The following CPEB4 variants were observed in gnomAD, a reference collection of about 807,000 sequenced individuals.
CPEB4 encodes the protein cytoplasmic polyadenylation element-binding protein 4.
Under a neutral mutation model 72.5 loss-of-function variants are expected in CPEB4, and 12 were observed. That is an observed-to-expected ratio of 0.17 (90% CI 0.11 to 0.27). The LOEUF (loss-of-function observed/expected upper bound fraction) is 0.27. Among genes scored for constraint, CPEB4 ranks in the 10% least tolerant of loss-of-function variants. CPEB4 has a pLI of 1.00. For missense variants in CPEB4, 614 were observed against 908.5 expected, an observed-to-expected ratio of 0.68 and a Z score of 4.17; for synonymous variants, 302 against 326.3, an observed-to-expected ratio of 0.93 and a Z score of 0.80.
chr5:173,949,618 T>C (rs1290605321), intron 6 of CPEB4, 21 bp downstream of exon 6: 3 of 1,477,380 alleles, frequency 2.0e-6, no homozygotes, highest in Admixed American at 3.4e-5. Context: ...AGATTCATTA[T>C]ACTTATGTAA....
intron 8 of CPEB4, 107 bp from the exon 9 acceptor site, chr5:173,952,984 T>A: frequency 2.5e-6 from 2 of 794,660 alleles, no homozygotes; most frequent in Non-Finnish European, 4.0e-6. Flanking sequence ...ATAATTATTA[T>A]AATGATGTGA....
At chr5:173,931,068 T>C (rs1209450284) in intron 2 of CPEB4, among the ~76,000 whole-genome samples, 1 of 152,116 alleles carries the variant, frequency 6.6e-6, no homozygotes, top group African/African-American at 2.4e-5. Context: ...GGATATGGAT[T>C]AATTAAAGCT....
intron 3 of CPEB4, among the ~76,000 whole-genome samples, chr5:173,941,899 A>G (rs1417216151): frequency 6.6e-6 from 1 of 152,170 alleles, no homozygotes; most frequent in Non-Finnish European, 1.5e-5. Context: ...ATCCCAGTTT[A>G]CTGTTGAAAC....
chr5:173,932,602 T>C (rs766082948), intron 3 of CPEB4, 102 bp downstream of exon 3: 117 of 789,126 alleles, frequency 1.5e-4, no homozygotes, highest in Non-Finnish European at 2.2e-4. Flanking sequence ...TAATGATAAC[T>C]GTAAGTTGCT....
Position 173,910,598 on chromosome 5 carries a change from A to G in CPEB4, c.1201A>G (p.Ile401Val), listed in dbSNP as rs756982545. The change falls in exon 2 of 10, where the codon ATT becomes GTT. Residue 401 changes from isoleucine (I) to valine (V), a missense_variant. Around this residue, in one of 5 missense-constraint regions of CPEB4, gnomAD observed 458 missense variants for 548.6 expected, o/e 0.83. Coordinates refer to ENST00000265085, the MANE Select transcript of CPEB4 (RefSeq NM_030627.4). ...IDIMRAENDT[I>V]KGRLNYSYPG... Reference sequence around the variant, plus strand: ...CATAATGAGAGCTGAAAATGATACCATTAAAGGTAAGTTTAGAAATATACC... The same window carrying G: ...CATAATGAGAGCTGAAAATGATACCGTTAAAGGTAAGTTTAGAAATATACC... The G allele has an allele frequency of 2.5e-6, 4 of 1,596,134 alleles. No homozygotes were observed. The African/African-American group carries it at 5.4e-5, about 21-fold the overall frequency.
At chr5:173,953,793 A>G (rs1024122246) in intron 9 of CPEB4, among the ~76,000 whole-genome samples, 4 of 149,120 alleles carry the variant, frequency 2.7e-5, no homozygotes, top group Admixed American at 6.7e-5. Flanking sequence ...TTGGTGTTTC[A>G]TGTATTCAAC....
At position 173,922,152 on chromosome 5, in the gene CPEB4, C is replaced by G. The variant is rs974814182; in HGVS notation, c.1208-10298C>G. Among the ~76,000 whole-genome samples the G allele has an allele frequency of 1.3e-5, 2 of 152,166 alleles. 1 individual carries two copies. The highest frequency in any genetic ancestry group is 3.8e-4 in the East Asian group (2 of 5,200). On this transcript the variant is annotated intron_variant, in intron 2 of 9. Coordinates refer to ENST00000265085, the MANE Select transcript of CPEB4 (RefSeq NM_030627.4). ...TATTGTGTAGCCTCTGAGAAGGAAA[C>G]AAACATAAGAAAATGGAAACATTTT...
At chr5:173,944,317 C>T (rs1757942242) in intron 4 of CPEB4, among the ~76,000 whole-genome samples, 1 of 151,982 alleles carries the variant, frequency 6.6e-6, no homozygotes. Context: ...TAAAAATCTA[C>T]TTGTTACGTT....
At chr5:173,935,800 A>G (rs557359158) in intron 3 of CPEB4, among the ~76,000 whole-genome samples, 111 of 152,324 alleles carry the variant, frequency 7.3e-4, no homozygotes, top group Non-Finnish European at 1.4e-3. Flanking sequence ...AGAGTCACCA[A>G]CCAGTTTTCA....
In CPEB4 at chr5:173,957,668, C is replaced by T. The variant is rs904614435; in HGVS notation, c.*1531C>T. ...TATCCATCATTAAAAGGTTTATTAT[C>T]AGTGGGCAAAACATGAAATAATATG... On this transcript the variant is annotated 3_prime_UTR_variant, in exon 10 of 10. Transcript: ENST00000265085. 6.5e-6 allele frequency: 1 copy of T among 152,714 alleles called. No individual in the cohort carries two copies. Among genetic ancestry groups the T allele is most frequent in the African/African-American group, 2.4e-5 (1 of 41,428 alleles). 9.5% of individuals were successfully genotyped at this position (152,714 alleles called of 1,614,324 possible). A position where few individuals can be genotyped will look rare whatever the true frequency, so the allele number is the denominator to read the frequency against.
chr5:173,920,890 C>T (rs368358740), intron 2 of CPEB4, among the ~76,000 whole-genome samples: 1 of 152,132 alleles, frequency 6.6e-6, no homozygotes, highest in Non-Finnish European at 1.5e-5. Flanking sequence ...GGCTTTGGGT[C>T]TAAACTACAT....
chr5:173,938,971 G>T (rs1039030951), intron 3 of CPEB4, among the ~76,000 whole-genome samples: 4 of 152,198 alleles, frequency 2.6e-5, no homozygotes, highest in African/African-American at 7.2e-5. Flanking sequence ...CTCTCCAAAG[G>T]TTCTTGTGGT....
rs752751420 is a variant in CPEB4, at chr5:173,938,911, A to T, written c.1259-4115A>T. Among the ~76,000 whole-genome samples the T allele has an allele frequency of 4.8e-4, 73 of 152,358 alleles. 1 individual carries two copies. Among genetic ancestry groups the T allele is most frequent in the Non-Finnish European group, 7.2e-4 (49 of 68,032 alleles). On this transcript the variant is annotated intron_variant, in intron 3 of 9. Transcript: ENST00000265085. Reference sequence around the variant, plus strand: ...AATAATAAATTCAAATGGTACAAAAAGGGATAAAACAAGAAGTGAATGCCT... The same window carrying T: ...AATAATAAATTCAAATGGTACAAAATGGGATAAAACAAGAAGTGAATGCCT...
At chr5:173,917,923 C>T (rs549462597) in intron 2 of CPEB4, among the ~76,000 whole-genome samples, 1 of 152,282 alleles carries the variant, frequency 6.6e-6, no homozygotes, top group South Asian at 2.1e-4. Flanking sequence ...TGGCTGAAGC[C>T]TTCCTGAACT....
intron 3 of CPEB4, among the ~76,000 whole-genome samples, chr5:173,937,883 C>T (rs1757685791): frequency 6.6e-6 from 1 of 152,114 alleles, no homozygotes; most frequent in South Asian, 2.1e-4. Context: ...GTTGTTGTAC[C>T]AACAAGCTAA....
At chr5:173,926,047 A>G (rs1757231673) in intron 2 of CPEB4, among the ~76,000 whole-genome samples, 2 of 152,198 alleles carry the variant, frequency 1.3e-5, no homozygotes, top group African/African-American at 4.8e-5. Flanking sequence ...CTTGGCCTGC[A>G]CCATGTTGTC....
At chr5:173,926,546 A>T (rs1048296327) in intron 2 of CPEB4, among the ~76,000 whole-genome samples, 1 of 152,162 alleles carries the variant, frequency 6.6e-6, no homozygotes, top group Admixed American at 6.5e-5. Context: ...TCTGTTGCCT[A>T]TATTTGGCTA....
At chr5:173,902,294 G>T (rs894740673) in intron 1 of CPEB4, among the ~76,000 whole-genome samples, 4 of 152,150 alleles carry the variant, frequency 2.6e-5, no homozygotes, top group African/African-American at 9.7e-5. Flanking sequence ...GCCTGGTACA[G>T]ATATGTAGCA....
At chr5:173,898,844 T>C (rs1399052305) in intron 1 of CPEB4, among the ~76,000 whole-genome samples, 1 of 152,194 alleles carries the variant, frequency 6.6e-6, no homozygotes, top group African/African-American at 2.4e-5. Flanking sequence ...GCCCATCTAA[T>C]TTTTGTACCT....
Sources: allele counts gnomAD v4.1 joint callset (sites outside exome capture counted in the v4.1 genomes callset), GRCh38; gene constraint gnomAD v4.1.1; regional missense constraint gnomAD v4.1.1; transcripts MANE v1.5; gene names NCBI Gene and HGNC (gene_info 2026-07-23, HGNC 2026-07-21).